AGGF1: variants seen among roughly 807,000 people sequenced by gnomAD.
AGGF1 encodes the protein angiogenic factor with G patch and FHA domains 1.
AGGF1 carries 56 observed loss-of-function variants against 86.5 expected under a neutral mutation model. The observed-to-expected ratio is 0.65, with a 90% CI of 0.52 to 0.81. The LOEUF is 0.81. Among genes scored for constraint, AGGF1 ranks in the 30% least tolerant of loss-of-function variants. AGGF1 has a pLI of 0.00. For missense variants in AGGF1, 816 were observed against 850.9 expected, an observed-to-expected ratio of 0.96 and a Z score of 0.51; for synonymous variants, 313 against 297.1, an observed-to-expected ratio of 1.05 and a Z score of -0.55.
chr5:77,043,489 A>C (rs1580128314), intron 5 of AGGF1, among the ~76,000 whole-genome samples: 1 of 99,444 alleles, frequency 1.0e-5, no homozygotes, highest in Non-Finnish European at 2.1e-5. Context: ...CGGAGGGCTG[A>C]CCCCCCCACC....
At chr5:77,048,421 G>C (rs1184806261) in intron 7 of AGGF1, 149 bp downstream of exon 7, 2 of 647,048 alleles carry the variant, frequency 3.1e-6, no homozygotes, top group East Asian at 5.8e-5. Context: ...GCACGATCTC[G>C]GCTCATTGCA....
chr5:77,045,064 CAA>C (rs11355114), intron 5 of AGGF1, among the ~76,000 whole-genome samples: 23 of 86,518 alleles, frequency 2.7e-4, no homozygotes, highest in Admixed American at 5.3e-4. Flanking sequence ...GACTCCGTCT[CAA>C]AAAAAAAAAA....
intron 2 of AGGF1, 65 bp from the exon 3 acceptor site, chr5:77,035,476 A>G (rs985139349): frequency 1.5e-5 from 18 of 1,223,182 alleles, no homozygotes; most frequent in Non-Finnish European, 2.0e-5. Context: ...AGTGTTTTGT[A>G]GTTAAGTCCT....
At chr5:77,036,866 T>A in intron 4 of AGGF1, 146 bp downstream of exon 4, 1 of 883,344 alleles carries the variant, frequency 1.1e-6, no homozygotes, top group Non-Finnish European at 1.8e-6. Flanking sequence ...GCATCCCAAG[T>A]AGCTGGGATT....
intron 2 of AGGF1, among the ~76,000 whole-genome samples, chr5:77,034,828 G>A (rs1170156320): frequency 1.3e-5 from 2 of 152,138 alleles, no homozygotes; most frequent in Non-Finnish European, 2.9e-5. Context: ...GTGACCAGGG[G>A]CATTTGTTTT....
intron 5 of AGGF1, among the ~76,000 whole-genome samples, chr5:77,041,323 T>G (rs1317379071): frequency 2.0e-5 from 3 of 152,056 alleles, no homozygotes; most frequent in Non-Finnish European, 4.4e-5. Flanking sequence ...TCCCAGCAAT[T>G]TGGGAGGCCG....
rs937043639 is a variant in AGGF1 at position 77,055,686 on chromosome 5, A to G, written c.1716+90A>G. On this transcript the variant is annotated intron_variant, in intron 11 of 13. Coordinates refer to ENST00000312916, the MANE Select transcript of AGGF1 (RefSeq NM_018046.5). ...TAAATATGCTCAGTACATTTTATAT[A>G]TAAATAGTTGTGTAGTATGATTTCG... 9.8e-5 allele frequency: 86 copies of G among 879,818 alleles called. No homozygotes were observed. The African/African-American group carries it at 1.4e-3, about 14-fold the overall frequency. The allele number at this position is 879,818 out of a possible 1,614,324, so 54.5% of individuals were successfully genotyped here. A position where few individuals can be genotyped will look rare whatever the true frequency, so the allele number is the denominator to read the frequency against.
At chr5:77,032,999 G>GC (rs555687255) in intron 1 of AGGF1, among the ~76,000 whole-genome samples, 3 of 152,196 alleles carry the variant, frequency 2.0e-5, no homozygotes, top group Non-Finnish European at 2.9e-5. Flanking sequence ...TGACTAAACT[G>GC]CAGCAGAAGC....
chr5:77,054,988 G>A (rs534165990), intron 10 of AGGF1, among the ~76,000 whole-genome samples: 150 of 152,204 alleles, frequency 9.9e-4, no homozygotes, highest in African/African-American at 3.4e-3. Context: ...CCCAGCCATC[G>A]AAAGCTCTTA....
intron 4 of AGGF1, among the ~76,000 whole-genome samples, chr5:77,039,216 T>A (rs972491102): frequency 1.6e-4 from 24 of 152,134 alleles, no homozygotes; most frequent in African/African-American, 5.8e-4. Flanking sequence ...TCAATTTTTT[T>A]AATGTATTAA....
In AGGF1 at chr5:77,030,896, C is replaced by CG. The variant is rs1554045681; in HGVS notation, c.133dup (p.Glu45GlyfsTer32). 2 of 1,613,250 alleles carry CG rather than the reference C, an allele frequency of 1.2e-6. No homozygotes were observed. The highest frequency in any genetic ancestry group is 1.7e-6 in the Non-Finnish European group (2 of 1,180,014). On this transcript the variant is annotated frameshift_variant, in exon 1 of 14. Transcript: ENST00000312916. LOFTEE classifies it high-confidence loss of function. ...ACTGCGGAGCTGCAAGCGGCAGGTG[C>CG]GGGAGATCGAGAAGCTGCTGCATCA... is the stretch of plus-strand genomic sequence containing the variant.
At position 77,061,556 on chromosome 5, in the gene AGGF1, T is replaced by TG; in HGVS notation, c.1845-145dup. On this transcript the variant is annotated intron_variant, in intron 12 of 13. Coordinates refer to ENST00000312916, the MANE Select transcript of AGGF1 (RefSeq NM_018046.5). The stretch of plus-strand genomic sequence containing the variant: ...CTTTTCTAAGTAGGATATGTACCAG[T>TG]GGAATTTGTGTGTCTTCAACTTTGT... 4.4e-6 allele frequency: 3 copies of TG among 676,702 alleles called. No homozygotes were observed. The South Asian group carries it at 5.2e-5, about 12-fold the overall frequency. The allele number at this position is 676,702 out of a possible 1,614,324, so 41.9% of individuals were successfully genotyped here.
Position 77,059,597 on chromosome 5 carries a change from A to G in AGGF1, c.1717-19A>G. On this transcript the variant is annotated intron_variant, in intron 11 of 13. Transcript: ENST00000312916. ...TTATCAGCTTTCTTTTCCTGAATGAATATTTTGTGTTTATTAAGAATACAG... is the reference window on the plus strand; with the variant it reads ...TTATCAGCTTTCTTTTCCTGAATGAGTATTTTGTGTTTATTAAGAATACAG... 6.3e-7 allele frequency: 1 copy of G among 1,589,940 alleles called. No individual in the cohort carries two copies. Among genetic ancestry groups the G allele is most frequent in the East Asian group, 2.2e-5 (1 of 44,720 alleles).
intron 8 of AGGF1, among the ~76,000 whole-genome samples, chr5:77,050,857 A>G (rs1747359947): frequency 1.3e-5 from 2 of 152,348 alleles, no homozygotes; most frequent in Non-Finnish European, 1.5e-5. Context: ...TGAGCAAAAG[A>G]TACATCAGGC....
chr5:77,036,506 T>C (rs757693687), intron 3 of AGGF1, 50 bp from the exon 4 acceptor site: 5 of 1,601,284 alleles, frequency 3.1e-6, no homozygotes, highest in South Asian at 2.2e-5. Flanking sequence ...AACTTTTTAA[T>C]TGATATACAG....
Position 77,039,549 on chromosome 5 carries a change from G to T in AGGF1, c.700G>T (p.Asp234Tyr). 1 of 1,607,748 alleles carries T rather than the reference G, an allele frequency of 6.2e-7. No homozygotes were observed. The highest frequency in any genetic ancestry group is 1.7e-5 in the Admixed American group (1 of 59,800). ...TTCAAAGGAAAATCAACTCTATTAT[G>T]ATCCTTCCACTGGAATTTATTACTA... is the stretch of plus-strand genomic sequence containing the variant. ...YYDSENQLYY[D>Y]PSTGIYYYCD... Residue 234 changes from aspartate (D) to tyrosine (Y), a missense_variant, in exon 5 of 14, where the codon GAT becomes TAT. Coordinates refer to ENST00000312916, the MANE Select transcript of AGGF1 (RefSeq NM_018046.5).
At chr5:77,032,642 GCTC>G (rs1303971311) in intron 1 of AGGF1, among the ~76,000 whole-genome samples, 2 of 151,154 alleles carry the variant, frequency 1.3e-5, no homozygotes, top group Non-Finnish European at 2.9e-5. Context: ...CTTTTGAAAA[GCTC>G]CTTTATAATT....
At chr5:77,041,726 T>C (rs992432339) in intron 5 of AGGF1, among the ~76,000 whole-genome samples, 1 of 151,200 alleles carries the variant, frequency 6.6e-6, no homozygotes, top group African/African-American at 2.4e-5. Flanking sequence ...CTCGCTCCCA[T>C]AACTACTCAT....
At chr5:77,059,115 A>C (rs1747507283) in intron 11 of AGGF1, among the ~76,000 whole-genome samples, 2 of 151,718 alleles carry the variant, frequency 1.3e-5, no homozygotes, top group African/African-American at 4.8e-5. Context: ...AAGGGGAGAT[A>C]GATTTTTTTC....
Sources: allele counts gnomAD v4.1 joint callset (sites outside exome capture counted in the v4.1 genomes callset), GRCh38; gene constraint gnomAD v4.1.1; transcripts MANE v1.5; gene names NCBI Gene and HGNC (gene_info 2026-07-23, HGNC 2026-07-21).